BBS9: variants seen among roughly 807,000 people sequenced by gnomAD.
BBS9 encodes protein PTHB1.
A neutral mutation model predicts 117.7 loss-of-function variants in BBS9; 89 were observed. The observed-to-expected ratio is 0.76, with a 90% confidence interval of 0.64 to 0.90. BBS9 has a LOEUF of 0.90. Among genes scored for constraint, BBS9 ranks in the 40% least tolerant of loss-of-function variants. BBS9 has a pLI of 0.00. For synonymous variants in BBS9, 379 were observed against 370.9 expected, an observed-to-expected ratio of 1.02 and a Z score of -0.25; for missense variants, 982 against 1,042.2, an observed-to-expected ratio of 0.94 and a Z score of 0.80.
rs527392489 is a variant in BBS9, at chr7:33,339,980, T to C, written c.1199-917T>C. Among the ~76,000 whole-genome samples the C allele has an allele frequency of 3.3e-5, 5 of 151,080 alleles. No individual in the cohort carries two copies. The East Asian group carries it at 9.7e-4, about 29-fold the overall frequency. ...GCCAATAGTTTGATATGTATATATA[T>C]TATATATATGAATATATATAATTTA... On this transcript the variant is annotated intron_variant, in intron 10 of 22. Coordinates refer to ENST00000242067, the MANE Select transcript of BBS9 (RefSeq NM_198428.3).
In BBS9 at chr7:33,590,453, T is replaced by TTTTTTG. The variant is rs1554551638; in HGVS notation, c.2522-14406_2522-14401dup. 3.3e-3 allele frequency among the ~76,000 whole-genome samples: 359 copies of TTTTTTG among 108,446 alleles called. 4 individuals are homozygous for TTTTTTG. Among genetic ancestry groups the TTTTTTG allele is most frequent in the African/African-American group, 0.02 (336 of 17,040 alleles). The allele number at this position is 108,446 out of a possible 152,430, so 71.1% of individuals were successfully genotyped here. A position where few individuals can be genotyped will look rare whatever the true frequency, so the allele number is the denominator to read the frequency against. ...TACTGGCCACTGTTTGTTTTTTTGT[T>TTTTTTG]TTTTTGTTTTTTTTTTTTTTTTTTA... On this transcript the variant is annotated intron_variant, in intron 21 of 22. Coordinates refer to ENST00000242067, the MANE Select transcript of BBS9 (RefSeq NM_198428.3).
rs563212174 is a variant in BBS9, at chr7:33,625,519, T to G, written c.2522-9658T>G. Among the ~76,000 whole-genome samples, 3 of 152,324 alleles carry G rather than the reference T, an allele frequency of 2.0e-5. No homozygotes were observed. In the East Asian group the frequency reaches 5.8e-4, roughly 29 times the overall value. ...GTCTTCTATCTACTATGACTACTGATCCTCTGGATTTTTTCTTTTATTATG... is the reference window on the plus strand; with the variant it reads ...GTCTTCTATCTACTATGACTACTGAGCCTCTGGATTTTTTCTTTTATTATG... On this transcript the variant is annotated intron_variant, in intron 21 of 21. Transcript: ENST00000671952.
chr7:33,420,577 T>C (rs186721007), intron 19 of BBS9, among the ~76,000 whole-genome samples: 2 of 152,278 alleles, frequency 1.3e-5, no homozygotes, highest in East Asian at 1.9e-4. Flanking sequence ...TCGGGACTCC[T>C]GCATTTCCCT....
chr7:33,526,355 GT>G (rs1376609123), intron 20 of BBS9, among the ~76,000 whole-genome samples: 2 of 152,160 alleles, frequency 1.3e-5, no homozygotes, highest in Non-Finnish European at 2.9e-5. Flanking sequence ...TTCCAACTCG[GT>G]TCCATTCTCC....
chr7:33,634,152 C>T (rs2129231896), intron 21 of BBS9, among the ~76,000 whole-genome samples: 1 of 152,358 alleles, frequency 6.6e-6, no homozygotes, highest in Admixed American at 6.5e-5. Flanking sequence ...AGACTCCCTG[C>T]TCTCCCAAGT....
chr7:33,478,180 T>G (rs551792753), intron 19 of BBS9, among the ~76,000 whole-genome samples: 1 of 152,144 alleles, frequency 6.6e-6, no homozygotes, highest in South Asian at 2.1e-4. Context: ...TTGTGAACCT[T>G]TTTTTGAGGT....
At chr7:33,241,643 A>G (rs1794541963) in intron 5 of BBS9, among the ~76,000 whole-genome samples, 1 of 151,806 alleles carries the variant, frequency 6.6e-6, no homozygotes, top group African/African-American at 2.4e-5. Flanking sequence ...TGCATCTTGG[A>G]TTTTTTTAGA....
intron 19 of BBS9, among the ~76,000 whole-genome samples, chr7:33,429,961 C>T (rs1834197499): frequency 6.6e-6 from 1 of 152,124 alleles, no homozygotes. Context: ...CCTGCATTAG[C>T]TTGTGGCCCA....
intron 7 of BBS9, among the ~76,000 whole-genome samples, chr7:33,269,190 C>T (rs1342836228): frequency 1.3e-5 from 2 of 152,116 alleles, no homozygotes; most frequent in Non-Finnish European, 2.9e-5. Flanking sequence ...AGATGAATAC[C>T]TAAGATCATG....
chr7:33,603,701 G>A (rs1392746461), intron 21 of BBS9, among the ~76,000 whole-genome samples: 1 of 152,000 alleles, frequency 6.6e-6, no homozygotes, highest in Non-Finnish European at 1.5e-5. Flanking sequence ...GTCATTTTCG[G>A]GTATGGCTGG....
At chr7:33,388,228 A>G in intron 19 of BBS9, 84 bp downstream of exon 19, 4 of 1,492,304 alleles carry the variant, frequency 2.7e-6, no homozygotes, top group Non-Finnish European at 2.8e-6. Context: ...AATATCCAAG[A>G]TAAGGTACTC....
intron 1 of BBS9, among the ~76,000 whole-genome samples, 177 bp from the exon 2 acceptor site, chr7:33,146,065 T>G (rs757606760): frequency 2.6e-4 from 40 of 152,348 alleles, no homozygotes; most frequent in Non-Finnish European, 4.3e-4. Flanking sequence ...TGTTGCAAAA[T>G]ATCTGATTAA....
chr7:33,215,017 C>G (rs750612568), intron 5 of BBS9, among the ~76,000 whole-genome samples: 3 of 152,100 alleles, frequency 2.0e-5, no homozygotes, highest in Admixed American at 6.5e-5. Context: ...ATGGTGAAAC[C>G]CTGTCTCTAC....
At chr7:33,527,490 G>A (rs1333476244) in intron 20 of BBS9, among the ~76,000 whole-genome samples, 2 of 152,180 alleles carry the variant, frequency 1.3e-5, no homozygotes, top group African/African-American at 4.8e-5. Flanking sequence ...CGCAATATTC[G>A]GGTGGGAGTG....
intron 19 of BBS9, among the ~76,000 whole-genome samples, chr7:33,479,515 A>T (rs1842239159): frequency 6.6e-6 from 1 of 152,126 alleles, no homozygotes; most frequent in Admixed American, 6.6e-5. Flanking sequence ...TCCATTGTTC[A>T]GGGGCACCTG....
intron 20 of BBS9, among the ~76,000 whole-genome samples, chr7:33,513,621 T>C (rs2129029597): frequency 6.6e-6 from 1 of 152,288 alleles, no homozygotes; most frequent in East Asian, 1.9e-4. Flanking sequence ...TCAAATATTT[T>C]TGGGTTTTAT....
At chr7:33,627,944 T>C (rs1417646850) in intron 21 of BBS9, among the ~76,000 whole-genome samples, 1 of 151,972 alleles carries the variant, frequency 6.6e-6, no homozygotes, top group Non-Finnish European at 1.5e-5. Context: ...CTTGGCAAAC[T>C]GAAGAGGTCA....
chr7:33,464,688 A>T (rs1213162760), intron 19 of BBS9, among the ~76,000 whole-genome samples: 3 of 151,818 alleles, frequency 2.0e-5, no homozygotes, highest in Non-Finnish European at 2.9e-5. Context: ...TTTTTATATT[A>T]TATATTTAAT....
rs147462702 is a variant in BBS9 at position 33,195,627 on chromosome 7, G to A, written c.442+18036G>A. ...TTGGAATGTGGTATTCAGAACTATCGAGTATTTGTGATAATGTCCACAAAT... is the reference window on the plus strand; with the variant it reads ...TTGGAATGTGGTATTCAGAACTATCAAGTATTTGTGATAATGTCCACAAAT... On this transcript the variant is annotated intron_variant, in intron 5 of 22. Coordinates refer to ENST00000242067, the MANE Select transcript of BBS9 (RefSeq NM_198428.3). Among the ~76,000 whole-genome samples, 437 of 152,054 alleles carry A rather than the reference G, an allele frequency of 2.9e-3. 4 individuals are homozygous for A. The highest frequency in any genetic ancestry group is 9.7e-3 in the African/African-American group (401 of 41,500).
Sources: allele counts gnomAD v4.1 joint callset (sites outside exome capture counted in the v4.1 genomes callset), GRCh38; gene constraint gnomAD v4.1.1; transcripts MANE v1.5; gene names NCBI Gene and HGNC (gene_info 2026-07-23, HGNC 2026-07-21).